Variants in FAM219B observed in about 807,000 individuals in gnomAD.
FAM219B encodes protein FAM219B.
In FAM219B, 18 loss-of-function variants were observed where a neutral mutation model predicts 19.9. That is an observed-to-expected ratio of 0.91 (90% CI 0.63 to 1.34). FAM219B has a LOEUF of 1.34. Among genes scored for constraint, FAM219B ranks in the 40% most tolerant of loss-of-function variants. The pLI is 0.00. For synonymous variants in FAM219B, 123 were observed against 117.5 expected (o/e 1.05, Z -0.30); for missense variants, 283 against 270.5 (o/e 1.05, Z -0.32).
chr15:74,901,774 A>C lies in FAM219B; in HGVS notation c.*845T>G. On this transcript the variant is annotated 3_prime_UTR_variant, in exon 5 of 5. Coordinates refer to ENST00000357635, the MANE Select transcript of FAM219B (RefSeq NM_020447.5). ...GCTCCCTGTAGCTCCCTCTGCTGGTAATAATAAAAACTGCAGGCTTCTGGG... is the reference window on the plus strand; with the variant it reads ...GCTCCCTGTAGCTCCCTCTGCTGGTCATAATAAAAACTGCAGGCTTCTGGG... The C allele has an allele frequency of 4.2e-6, 1 of 238,202 alleles. No homozygotes were observed. Among genetic ancestry groups the C allele is most frequent in the Non-Finnish European group, 8.0e-6 (1 of 125,184 alleles). 14.8% of individuals were successfully genotyped at this position (238,202 alleles called of 1,614,324 possible).
Position 74,906,756 on chromosome 15 carries a change from G to C in FAM219B, c.45C>G (p.Thr15=). ...GAGCCCCGCTGGGCCGGGGTCCCGG[G>C]GTAGACAACCGCAACGCGCGCCCGC... ...EPSGRALRLS[T]PGPRPSGARD... is the part of the protein sequence containing the mutation. The change falls in exon 1 of 5, where the codon ACC becomes ACG. Residue 15 remains threonine, a synonymous_variant. Coordinates refer to ENST00000357635, the MANE Select transcript of FAM219B (RefSeq NM_020447.5). 1 of 1,314,668 alleles carries C rather than the reference G, an allele frequency of 7.6e-7. No individual in the cohort carries two copies. The highest frequency in any genetic ancestry group is 9.7e-7 in the Non-Finnish European group (1 of 1,030,208). The allele number at this position is 1,314,668 out of a possible 1,614,324, so 81.4% of individuals were successfully genotyped here. A position where few individuals can be genotyped will look rare whatever the true frequency, so the allele number is the denominator to read the frequency against.
chr15:74,898,911 C>T (rs2064865414), downstream of FAM219B: 1 of 152,274 alleles, frequency 6.6e-6, no homozygotes, highest in Non-Finnish European at 1.5e-5. Context: ...CTGGCCATAC[C>T]TGTTCATTTC....
downstream of FAM219B, chr15:74,899,164 T>C (rs765588005): frequency 1.1e-4 from 16 of 152,148 alleles, no homozygotes; most frequent in Non-Finnish European, 1.8e-4. Context: ...GCTCCAGGGG[T>C]GGCACACACC....
chr15:74,905,948 A>G (rs2065169476), intron 2 of FAM219B: 1 of 258,758 alleles, frequency 3.9e-6, no homozygotes, highest in Non-Finnish European at 7.4e-6. Flanking sequence ...CAAACAAACA[A>G]AAACAGGTCT....
In FAM219B at chr15:74,900,055, T is replaced by C. The variant is rs1051302097; in HGVS notation, c.*2564A>G. On this transcript the variant is annotated 3_prime_UTR_variant, in exon 5 of 5. Coordinates refer to ENST00000357635, the MANE Select transcript of FAM219B (RefSeq NM_020447.5). ...GTAGAAGTGCAAGCCAAGAGTTCTATAGAGTAGTACATAAACACCATATGG... is the reference window on the plus strand; with the variant it reads ...GTAGAAGTGCAAGCCAAGAGTTCTACAGAGTAGTACATAAACACCATATGG... The C allele has an allele frequency of 2.6e-5, 4 of 152,214 alleles. No homozygotes were observed. The highest frequency in any genetic ancestry group is 9.7e-5 in the African/African-American group (4 of 41,450). The allele number at this position is 152,214 out of a possible 1,614,324, so 9.4% of individuals were successfully genotyped here. A position where few individuals can be genotyped will look rare whatever the true frequency, so the allele number is the denominator to read the frequency against.
chr15:74,897,967 C>T, downstream of FAM219B: 1 of 582,860 alleles, frequency 1.7e-6, no homozygotes, highest in African/African-American at 1.8e-5. Flanking sequence ...TGTCTTCCCT[C>T]TCTACTCCTC....
In FAM219B at chr15:74,902,777, G is replaced by C; in HGVS notation, c.439C>G (p.Gln147Glu). 6.2e-7 allele frequency: 1 copy of C among 1,608,320 alleles called. No homozygotes were observed. The highest frequency in any genetic ancestry group is 8.5e-7 in the Non-Finnish European group (1 of 1,177,240). Residue 147 changes from glutamine (Q) to glutamate (E), a missense_variant, in exon 5 of 5, where the codon CAG becomes GAG. Gln to Glu is a conservative substitution (Grantham distance 29). Coordinates refer to ENST00000357635, the MANE Select transcript of FAM219B (RefSeq NM_020447.5). ...SGYSSAEQVN[Q>E]DVSRQLLQDG... The stretch of plus-strand genomic sequence containing the variant: ...TGAAGCAGCTGCCGGCTCACATCCT[G>C]GTTCACCTGCTAAGAGAAGGAGAGG...
chr15:74,905,306 C>T (rs1464273581), intron 2 of FAM219B, 75 bp from the exon 3 acceptor site: 12 of 1,444,820 alleles, frequency 8.3e-6, no homozygotes, highest in Admixed American at 5.3e-5. Flanking sequence ...GCAGAGTCCT[C>T]GCCCTGAAGG....
Position 74,900,307 on chromosome 15 carries a change from G to GT in FAM219B, c.*2311_*2312insA, listed in dbSNP as rs2064900328. The GT allele has an allele frequency of 6.6e-6, 1 of 152,296 alleles. No homozygotes were observed. The highest frequency in any genetic ancestry group is 2.4e-5 in the African/African-American group (1 of 41,428). The allele number at this position is 152,296 out of a possible 1,614,324, so 9.4% of individuals were successfully genotyped here. ...CTACAAGGTAACACCCTCCTACATG[G>GT]GGTCAGCCAGCTCAGAAACCTCTTC... On this transcript the variant is annotated 3_prime_UTR_variant, in exon 5 of 5. Coordinates refer to ENST00000357635, the MANE Select transcript of FAM219B (RefSeq NM_020447.5).
rs1252042572 is a variant in FAM219B at position 74,901,955 on chromosome 15, C to T, written c.*664G>A. The stretch of plus-strand genomic sequence containing the variant: ...ACCAGAATCACTAAACTCACCCGGA[C>T]GGTTGGACCAGTTGGGGATGCCCCA... On this transcript the variant is annotated 3_prime_UTR_variant, in exon 5 of 5. Coordinates refer to ENST00000357635, the MANE Select transcript of FAM219B (RefSeq NM_020447.5). 3 of 396,688 alleles carry T rather than the reference C, an allele frequency of 7.6e-6. No individual in the cohort carries two copies. Among genetic ancestry groups the T allele is most frequent in the South Asian group, 1.4e-4 (1 of 7,024 alleles). 24.6% of individuals were successfully genotyped at this position (396,688 alleles called of 1,614,324 possible). A position where few individuals can be genotyped will look rare whatever the true frequency, so the allele number is the denominator to read the frequency against.
At chr15:74,906,118 A>T (rs2065176914) in intron 2 of FAM219B, 160 bp downstream of exon 2, 1 of 721,198 alleles carries the variant, frequency 1.4e-6, no homozygotes, top group African/African-American at 1.8e-5. Flanking sequence ...TTAAAGGAAA[A>T]GAGAGATTGT....
In FAM219B at chr15:74,906,664, C is replaced by T. The variant is rs2065209963; in HGVS notation, c.137G>A (p.Gly46Glu). The change falls in exon 1 of 5, where the codon GGG becomes GAG. Residue 46 changes from glycine (G) to glutamate (E), a missense_variant. Gly to Glu is a moderately conservative substitution (Grantham distance 98). Coordinates refer to ENST00000357635, the MANE Select transcript of FAM219B (RefSeq NM_020447.5). ...GQIGNRALRL[G>E]ERTPAAVEKR... ...TTCCACGGCCGCGGGGGTGCGCTCC[C>T]CCAGACGGAGGGCTCTATTACCGAT... 6.6e-7 allele frequency: 1 copy of T among 1,508,612 alleles called. No individual in the cohort carries two copies. Among genetic ancestry groups the T allele is most frequent in the Non-Finnish European group, 8.8e-7 (1 of 1,133,570 alleles). 93.5% of individuals were successfully genotyped at this position (1,508,612 alleles called of 1,614,324 possible). A position where few individuals can be genotyped will look rare whatever the true frequency, so the allele number is the denominator to read the frequency against.
At chr15:74,898,690 A>C (rs1484553703), downstream of FAM219B, 1 of 151,718 alleles carries the variant, frequency 6.6e-6, no homozygotes, top group Non-Finnish European at 1.5e-5. Context: ...GGCGCCCACC[A>C]CCACGCCCAG....
rs928674759 is a variant in FAM219B at position 74,901,398 on chromosome 15, G to A, written c.*1221C>T. 21 of 152,140 alleles carry A rather than the reference G, an allele frequency of 1.4e-4. No homozygotes were observed. The highest frequency in any genetic ancestry group is 4.6e-4 in the African/African-American group (19 of 41,428). 9.4% of individuals were successfully genotyped at this position (152,140 alleles called of 1,614,324 possible). A position where few individuals can be genotyped will look rare whatever the true frequency, so the allele number is the denominator to read the frequency against. On this transcript the variant is annotated 3_prime_UTR_variant, in exon 5 of 5. Coordinates refer to ENST00000357635, the MANE Select transcript of FAM219B (RefSeq NM_020447.5). ...ATACTCTCCAATTTGTGGGTAGGGG[G>A]TGTCACAGCAGAAATTATGCCTATT...
intron 4 of FAM219B, among the ~76,000 whole-genome samples, chr15:74,903,357 T>C (rs1418530881): frequency 1.3e-5 from 2 of 152,034 alleles, no homozygotes; most frequent in East Asian, 1.9e-4. Context: ...TCTCAGCATT[T>C]TGGGAGGCCG....
chr15:74,904,669 C>T lies in FAM219B; in HGVS notation c.424G>A (p.Ala142Thr), dbSNP rs1451827953. ...GSRYSSGYSSAEQVNQDVSRQ... is the reference protein window; with the variant it reads ...GSRYSSGYSSTEQVNQDVSRQ... ...GAAAGGTGTTCTGGACTTGCCTCTGCAGATGAATACCCGGAGGAGTATCTG... is the reference window on the plus strand; with the variant it reads ...GAAAGGTGTTCTGGACTTGCCTCTGTAGATGAATACCCGGAGGAGTATCTG... Residue 142 changes from alanine to threonine, a missense_variant, in exon 4 of 5, where the codon GCA becomes ACA. Coordinates refer to ENST00000357635, the MANE Select transcript of FAM219B (RefSeq NM_020447.5). 1.2e-6 allele frequency: 2 copies of T among 1,614,058 alleles called. No homozygotes were observed. The highest frequency in any genetic ancestry group is 2.2e-5 in the South Asian group (2 of 91,084).
chr15:74,902,493 G>A lies in FAM219B; in HGVS notation c.*126C>T, dbSNP rs570951091. ...CTCTGGCCTGAGAAGCAACAGGTAA[G>A]GGCTACCTGCAGGTCACTTTCTAGG... On this transcript the variant is annotated 3_prime_UTR_variant, in exon 5 of 5. Transcript: ENST00000357635. The A allele has an allele frequency of 3.8e-5, 37 of 970,430 alleles. No individual in the cohort carries two copies. In the South Asian group the frequency reaches 9.1e-4, roughly 24 times the overall value. 60.1% of individuals were successfully genotyped at this position (970,430 alleles called of 1,614,324 possible).
At chr15:74,899,039 G>A (rs1055219033), downstream of FAM219B, 1 of 152,250 alleles carries the variant, frequency 6.6e-6, no homozygotes. Flanking sequence ...ATACTCAACT[G>A]TTGCAGATTA....
At chr15:74,905,262 C>A in intron 2 of FAM219B, 31 bp from the exon 3 acceptor site, 1 of 1,606,696 alleles carries the variant, frequency 6.2e-7, no homozygotes, top group Non-Finnish European at 8.5e-7. Context: ...AGAGACCAAA[C>A]ATAGATGAAA....
Sources: allele counts gnomAD v4.1 joint callset (sites outside exome capture counted in the v4.1 genomes callset), GRCh38; gene constraint gnomAD v4.1.1; transcripts MANE v1.5; gene names NCBI Gene and HGNC (gene_info 2026-07-23, HGNC 2026-07-21).